NAPB: variants seen among roughly 807,000 people sequenced by gnomAD.
NAPB encodes NSF attachment protein beta.
A neutral mutation model predicts 44.7 loss-of-function variants in NAPB; 26 were observed. The ratio of observed to expected loss-of-function variants is 0.58; its 90% CI spans 0.43 to 0.81. The LOEUF (loss-of-function observed/expected upper bound fraction) is 0.81, where lower values mean the gene tolerates loss of function less well. Ranked by LOEUF, NAPB falls within the 30% of genes least tolerant of loss-of-function variation. The pLI, the probability that NAPB is intolerant of heterozygous loss-of-function variation, is 0.00. For missense variants in NAPB, 315 were observed against 356.4 expected (o/e 0.88, Z 0.94); for synonymous variants, 120 against 116.8 (o/e 1.03, Z -0.18).
intron 1 of NAPB, among the ~76,000 whole-genome samples, chr20:23,403,448 C>T (rs566397673): frequency 6.6e-6 from 1 of 152,178 alleles, no homozygotes; most frequent in Admixed American, 6.5e-5. Flanking sequence ...ACTGAAAATA[C>T]AAAAATTAGC....
chr20:23,382,541 A>G (rs1983098148), intron 7 of NAPB, among the ~76,000 whole-genome samples: 1 of 152,202 alleles, frequency 6.6e-6, no homozygotes, highest in Admixed American at 6.5e-5. Context: ...ATGCTCCAAA[A>G]AGCAAGTACA....
At chr20:23,415,893 G>T (rs1219262185) in intron 1 of NAPB, among the ~76,000 whole-genome samples, 1 of 152,122 alleles carries the variant, frequency 6.6e-6, no homozygotes, top group East Asian at 1.9e-4. Context: ...TTGAGCTCAG[G>T]AGGTCAAGGT....
rs1984237448 is a variant in NAPB at position 23,394,907 on chromosome 20, G to A, written c.420+15C>T. On this transcript the variant is annotated intron_variant, in intron 5 of 10. Coordinates refer to ENST00000377026, the MANE Select transcript of NAPB (RefSeq NM_022080.3). ...CTGCCTGCTTCACATCTGAGGAAGT[G>A]TGCCCACTGCTTACCTTCTCAATGT... The A allele has an allele frequency of 6.2e-7, 1 of 1,611,000 alleles. No individual in the cohort carries two copies. Among genetic ancestry groups the A allele is most frequent in the East Asian group, 2.2e-5 (1 of 44,856 alleles).
intron 2 of NAPB, among the ~76,000 whole-genome samples, chr20:23,401,114 TG>T (rs1339309345): frequency 6.6e-6 from 1 of 151,918 alleles, no homozygotes; most frequent in Non-Finnish European, 1.5e-5. Context: ...ACATTCTGTT[TG>T]GGGAAAGAGT....
intron 1 of NAPB, among the ~76,000 whole-genome samples, chr20:23,410,975 G>A (rs1277607274): frequency 6.6e-6 from 1 of 152,106 alleles, no homozygotes; most frequent in Non-Finnish European, 1.5e-5. Context: ...TAAAATCTCT[G>A]TTATAGCATA....
At chr20:23,377,538 C>T in intron 10 of NAPB, 52 bp from the exon 11 acceptor site, 1 of 1,220,110 alleles carries the variant, frequency 8.2e-7, no homozygotes, top group Non-Finnish European at 1.2e-6. Context: ...ACATTAAAAA[C>T]ACAAAATAAT....
At chr20:23,408,285 T>C (rs1176461900) in intron 1 of NAPB, among the ~76,000 whole-genome samples, 2 of 152,106 alleles carry the variant, frequency 1.3e-5, no homozygotes, top group East Asian at 3.9e-4. Context: ...ACCAGCAGTA[T>C]CTCCTTAGCC....
At position 23,389,231 on chromosome 20, in the gene NAPB, T is replaced by TAAAA. The variant is rs71330886; in HGVS notation, c.561+711_561+714dup. On this transcript the variant is annotated intron_variant, in intron 7 of 10. Coordinates refer to ENST00000377026, the MANE Select transcript of NAPB (RefSeq NM_022080.3). The stretch of plus-strand genomic sequence containing the variant: ...CACACTCATTAGGGTGACTATTATT[T>TAAAA]AAAAAAAAAAAAAAAAAAAAACCAA... Among the ~76,000 whole-genome samples the TAAAA allele has an allele frequency of 2.1e-3, 242 of 115,364 alleles. 1 individual carries two copies. The highest frequency in any genetic ancestry group is 7.1e-3 in the African/African-American group (212 of 29,984). The allele number at this position is 115,364 out of a possible 152,430, so 75.7% of individuals were successfully genotyped here.
At chr20:23,383,042 C>T (rs1983153842) in intron 7 of NAPB, among the ~76,000 whole-genome samples, 1 of 151,484 alleles carries the variant, frequency 6.6e-6, no homozygotes, top group African/African-American at 2.4e-5. Flanking sequence ...GTAGTCCCAG[C>T]TACTTGGGAG....
At chr20:23,377,542 AAAT>A in intron 10 of NAPB, 56 bp from the exon 11 acceptor site, 1 of 1,128,900 alleles carries the variant, frequency 8.9e-7, no homozygotes, top group Non-Finnish European at 1.3e-6. Flanking sequence ...TAAAAACACA[AAAT>A]AATAGTACCC....
At chr20:23,394,207 G>T (rs1031534083) in intron 5 of NAPB, among the ~76,000 whole-genome samples, 10 of 152,182 alleles carry the variant, frequency 6.6e-5, no homozygotes, top group African/African-American at 2.2e-4. Context: ...GGGATGTGGG[G>T]TTGGCAAGGT....
intron 1 of NAPB, among the ~76,000 whole-genome samples, chr20:23,418,042 A>C (rs1214669073): frequency 6.6e-6 from 1 of 152,232 alleles, no homozygotes; most frequent in Admixed American, 6.5e-5. Context: ...ACAGGCTTTA[A>C]TCTGCAGATA....
intron 8 of NAPB, chr20:23,380,519 A>G (rs373188030): frequency 7.6e-6 from 1 of 131,788 alleles, no homozygotes; most frequent in Admixed American, 8.0e-5. Flanking sequence ...TTAGTTCCTT[A>G]ATTTCTTTCT....
chr20:23,391,386 T>A (rs1983947406), intron 5 of NAPB, among the ~76,000 whole-genome samples: 1 of 152,114 alleles, frequency 6.6e-6, no homozygotes, highest in African/African-American at 2.4e-5. Flanking sequence ...AAGAGTCAGA[T>A]GATAGTGTGT....
intron 5 of NAPB, among the ~76,000 whole-genome samples, chr20:23,390,848 C>T (rs1983899706): frequency 6.6e-6 from 1 of 152,176 alleles, no homozygotes; most frequent in Admixed American, 6.5e-5. Flanking sequence ...ACTTGCAGCA[C>T]AGACTACACA....
intron 7 of NAPB, among the ~76,000 whole-genome samples, chr20:23,381,758 T>C (rs1041617181): frequency 6.6e-6 from 1 of 152,122 alleles, no homozygotes; most frequent in African/African-American, 2.4e-5. Flanking sequence ...GACAAAAGCC[T>C]GCTCTCTCTG....
intron 5 of NAPB, among the ~76,000 whole-genome samples, chr20:23,392,238 C>G (rs1005582593): frequency 3.9e-5 from 6 of 152,194 alleles, no homozygotes; most frequent in Non-Finnish European, 8.8e-5. Flanking sequence ...TACATGACAG[C>G]TCTGACAGGT....
At chr20:23,401,748 G>T (rs1261029075) in intron 2 of NAPB, among the ~76,000 whole-genome samples, 1 of 152,162 alleles carries the variant, frequency 6.6e-6, no homozygotes, top group African/African-American at 2.4e-5. Context: ...GGGCGTGGTG[G>T]CGCGTGCCTG....
At chr20:23,408,668 A>G (rs1985430806) in intron 1 of NAPB, among the ~76,000 whole-genome samples, 1 of 152,254 alleles carries the variant, frequency 6.6e-6, no homozygotes, top group African/African-American at 2.4e-5. Context: ...AAAACAGTAC[A>G]AATCTTTTAT....
Sources: allele counts gnomAD v4.1 joint callset (sites outside exome capture counted in the v4.1 genomes callset), GRCh38; gene constraint gnomAD v4.1.1; transcripts MANE v1.5; gene names NCBI Gene and HGNC (gene_info 2026-07-23, HGNC 2026-07-21).